The following TNFAIP8 variants were observed in gnomAD, a reference collection of about 807,000 sequenced individuals.
TNFAIP8 encodes the protein tumor necrosis factor alpha-induced protein 8.
Under a neutral mutation model 13.3 loss-of-function variants are expected in TNFAIP8, and 7 were observed. That is an observed-to-expected ratio of 0.52 (90% CI 0.30 to 0.99). TNFAIP8 has a LOEUF of 0.99. TNFAIP8 is among the 50% of genes least tolerant of loss of function. TNFAIP8 has a pLI of 0.07. For synonymous variants in TNFAIP8, 94 were observed against 87.6 expected, an observed-to-expected ratio of 1.07 and a Z score of -0.41; for missense variants, 258 against 236.9, an observed-to-expected ratio of 1.09 and a Z score of -0.58.
chr5:119,348,338 C>T (rs1434035914), intron 1 of TNFAIP8, among the ~76,000 whole-genome samples: 4 of 152,192 alleles, frequency 2.6e-5, no homozygotes, highest in African/African-American at 7.2e-5. Flanking sequence ...ATGTTTATCT[C>T]ATCACAAAAT....
chr5:119,372,058 A>G (rs1202884787), intron 1 of TNFAIP8, among the ~76,000 whole-genome samples: 1 of 151,430 alleles, frequency 6.6e-6, no homozygotes, highest in Non-Finnish European at 1.5e-5. Context: ...AATGGCGTGA[A>G]CCCGGGAGGC....
At chr5:119,389,082 A>G (rs1752794322) in intron 1 of TNFAIP8, among the ~76,000 whole-genome samples, 1 of 152,134 alleles carries the variant, frequency 6.6e-6, no homozygotes, top group African/African-American at 2.4e-5. Flanking sequence ...GTGGAATGGA[A>G]AGAACTTAAT....
chr5:119,287,403 A>G (rs1748835091), intron 1 of TNFAIP8, among the ~76,000 whole-genome samples: 1 of 151,262 alleles, frequency 6.6e-6, no homozygotes, highest in South Asian at 2.1e-4. Context: ...TACCACAGTC[A>G]AGTTAATTAA....
chr5:119,310,521 C>G (rs1405985583), intron 1 of TNFAIP8, among the ~76,000 whole-genome samples: 1 of 152,172 alleles, frequency 6.6e-6, no homozygotes, highest in African/African-American at 2.4e-5. Flanking sequence ...TGGGCCAAAG[C>G]CTAGTCCTGA....
chr5:119,274,951 TC>T (rs147998366), intron 1 of TNFAIP8, among the ~76,000 whole-genome samples: 3,638 of 152,100 alleles, frequency 0.024, 150 homozygotes, highest in African/African-American at 0.083. Context: ...TGACTCATTT[TC>T]CTGTCTTGTT....
chr5:119,341,004 T>G (rs1581620125), intron 1 of TNFAIP8, among the ~76,000 whole-genome samples: 1 of 151,986 alleles, frequency 6.6e-6, no homozygotes, highest in African/African-American at 2.4e-5. Flanking sequence ...TCCTGGCAGG[T>G]ACTTCTGTTA....
At chr5:119,297,047 A>G (rs1749201484) in intron 1 of TNFAIP8, among the ~76,000 whole-genome samples, 1 of 152,038 alleles carries the variant, frequency 6.6e-6, no homozygotes, top group African/African-American at 2.4e-5. Flanking sequence ...CTAGCAGTCT[A>G]TCAATTTTGT....
chr5:119,378,806 GT>G (rs1384512963), intron 1 of TNFAIP8, among the ~76,000 whole-genome samples: 3 of 152,184 alleles, frequency 2.0e-5, no homozygotes, highest in Non-Finnish European at 4.4e-5. Context: ...GGGCGCAGTG[GT>G]TCACGCCTGT....
rs35506200 is a variant in TNFAIP8 at position 119,360,682 on chromosome 5, A to AT, written c.31+4566dup. Among the ~76,000 whole-genome samples, 3 of 152,170 alleles carry AT rather than the reference A, an allele frequency of 2.0e-5. No individual in the cohort carries two copies. In the Middle Eastern group the frequency reaches 0.01, roughly 518 times the overall value. On this transcript the variant is annotated intron_variant, in intron 1 of 1. Transcript: ENST00000504771. ...TTTAATACATGTTCTGCAAGCAAGG[A>AT]TTTTTGCAAACACAGGTTTTAGCAT... is the stretch of plus-strand genomic sequence containing the variant.
At chr5:119,344,504 C>T (rs1750836738) in intron 1 of TNFAIP8, among the ~76,000 whole-genome samples, 1 of 152,198 alleles carries the variant, frequency 6.6e-6, no homozygotes, top group Admixed American at 6.5e-5. Context: ...GGAATGGGGC[C>T]TCACCCACAG....
At chr5:119,313,256 C>G (rs1275675692) in intron 1 of TNFAIP8, among the ~76,000 whole-genome samples, 8 of 152,164 alleles carry the variant, frequency 5.3e-5, no homozygotes, top group Non-Finnish European at 1.2e-4. Flanking sequence ...AAAGAAAATT[C>G]TTCTGCTTAT....
chr5:119,287,151 T>G (rs1216172956), intron 1 of TNFAIP8, among the ~76,000 whole-genome samples: 3 of 152,162 alleles, frequency 2.0e-5, no homozygotes, highest in African/African-American at 7.2e-5. Flanking sequence ...AGTCATCTCT[T>G]CCTCTTAAGG....
chr5:119,382,812 A>G (rs1752536985), intron 1 of TNFAIP8, among the ~76,000 whole-genome samples: 1 of 152,210 alleles, frequency 6.6e-6, no homozygotes, highest in Non-Finnish European at 1.5e-5. Context: ...GGTTTACCTG[A>G]CTGCCTGTCT....
chr5:119,273,243 G>C (rs1748342130), intron 1 of TNFAIP8, among the ~76,000 whole-genome samples: 2 of 152,196 alleles, frequency 1.3e-5, no homozygotes, highest in Admixed American at 1.3e-4. Flanking sequence ...TTCCTCTCCT[G>C]TATCAGTGTG....
chr5:119,315,286 G>C (rs987729846), intron 1 of TNFAIP8, among the ~76,000 whole-genome samples: 2 of 152,158 alleles, frequency 1.3e-5, no homozygotes, highest in African/African-American at 4.8e-5. Context: ...GTTTCACCAT[G>C]TTGGCCAGGC....
At chr5:119,301,693 A>T (rs894229674) in intron 1 of TNFAIP8, among the ~76,000 whole-genome samples, 2 of 152,226 alleles carry the variant, frequency 1.3e-5, no homozygotes, top group African/African-American at 4.8e-5. Flanking sequence ...AATCTTAAAG[A>T]TAGAAAATAA....
At chr5:119,375,360 A>G (rs1752240948) in intron 1 of TNFAIP8, among the ~76,000 whole-genome samples, 1 of 152,212 alleles carries the variant, frequency 6.6e-6, no homozygotes, top group Non-Finnish European at 1.5e-5. Flanking sequence ...CTTTTAGAGT[A>G]ACGAGTGAGT....
At chr5:119,351,930 C>G (rs112352373), upstream of TNFAIP8, among the ~76,000 whole-genome samples, 30,683 of 151,690 alleles carry the variant, frequency 0.2, 3,249 homozygotes, top group Non-Finnish European at 0.22. Flanking sequence ...GCTGGGATTA[C>G]AGGAGCCTGC....
At chr5:119,353,162 G>A (rs1461615870), upstream of TNFAIP8, among the ~76,000 whole-genome samples, 1 of 152,230 alleles carries the variant, frequency 6.6e-6, no homozygotes, top group Non-Finnish European at 1.5e-5. Flanking sequence ...GTTGCCATGT[G>A]AAGGATGTTT....
Sources: allele counts gnomAD v4.1 joint callset (sites outside exome capture counted in the v4.1 genomes callset), GRCh38; gene constraint gnomAD v4.1.1; transcripts MANE v1.5; gene names NCBI Gene and HGNC (gene_info 2026-07-23, HGNC 2026-07-21).